The following CSMD1 variants were observed in gnomAD, a reference collection of about 807,000 sequenced individuals.
CSMD1 encodes CUB and sushi domain-containing protein 1.
Under a neutral mutation model 417.5 loss-of-function variants are expected in CSMD1, and 213 were observed. The observed-to-expected ratio is 0.51, with a 90% CI of 0.46 to 0.57. The LOEUF (loss-of-function observed/expected upper bound fraction) is 0.57, where lower values mean the gene tolerates loss of function less well. CSMD1 is among the 20% of genes least tolerant of loss of function. The pLI is 0.00. For synonymous variants in CSMD1, 2,862 were observed against 1,736.8 expected, an observed-to-expected ratio of 1.65 and a Z score of -16.11; for missense variants, 6,923 against 4,529.7, an observed-to-expected ratio of 1.53 and a Z score of -15.17.
At chr8:4,332,963 A>C (rs78601769) in intron 3 of CSMD1, among the ~76,000 whole-genome samples, 7 of 137,614 alleles carry the variant, frequency 5.1e-5, no homozygotes, top group African/African-American at 2.0e-4. Context: ...AAAAACTAAG[A>C]TTTCTGCCTT....
chr8:3,874,717 G>T (rs766613023), intron 5 of CSMD1, among the ~76,000 whole-genome samples: 23 of 152,170 alleles, frequency 1.5e-4, no homozygotes, highest in Non-Finnish European at 2.8e-4. Context: ...TGCGACTGGC[G>T]CCCACTGCTC....
In CSMD1 at chr8:4,701,486, G is replaced by A. The variant is rs116597517; in HGVS notation, c.86-63928C>T. ...ACAGTACTCCTCCTCCCCGACCCCA[G>A]CACAGAACACCCAGGCCGCCTCCCA... On this transcript the variant is annotated intron_variant, in intron 1 of 69. Transcript: ENST00000635120. Among the ~76,000 whole-genome samples, 489 of 152,094 alleles carry A rather than the reference G, an allele frequency of 3.2e-3. 2 individuals carry two copies. Among genetic ancestry groups the A allele is most frequent in the African/African-American group, 0.011 (477 of 41,484 alleles).
chr8:4,041,080 G>C (rs553502399), intron 3 of CSMD1, among the ~76,000 whole-genome samples: 7 of 141,210 alleles, frequency 5.0e-5, no homozygotes, highest in Admixed American at 1.5e-4. Flanking sequence ...GCAGTGGCGC[G>C]ATCTCGGCTC....
chr8:4,793,818 C>A (rs867434790), intron 1 of CSMD1, among the ~76,000 whole-genome samples: 2 of 132,020 alleles, frequency 1.5e-5, no homozygotes, highest in Non-Finnish European at 3.2e-5. Context: ...AGAAAGCAGG[C>A]CACAACCCCA....
At chr8:3,079,670 A>G (rs1192735226) in intron 49 of CSMD1, among the ~76,000 whole-genome samples, 1 of 152,190 alleles carries the variant, frequency 6.6e-6, no homozygotes, top group Non-Finnish European at 1.5e-5. Flanking sequence ...GTATAAAGTA[A>G]AAGGACAGTT....
At chr8:3,379,128 G>T (rs948308884) in intron 18 of CSMD1, among the ~76,000 whole-genome samples, 1 of 152,116 alleles carries the variant, frequency 6.6e-6, no homozygotes, top group Non-Finnish European at 1.5e-5. Flanking sequence ...GCCAAATCAA[G>T]AATGAACTCC....
intron 3 of CSMD1, among the ~76,000 whole-genome samples, chr8:4,069,678 T>A (rs1479378180): frequency 1.3e-5 from 2 of 152,132 alleles, no homozygotes; most frequent in East Asian, 1.9e-4. Context: ...TCCGACTGGA[T>A]TGCATTCTCA....
chr8:4,681,860 G>T lies in CSMD1; in HGVS notation c.86-44302C>A, dbSNP rs567604704. On this transcript the variant is annotated intron_variant, in intron 1 of 69. Transcript: ENST00000635120. ...TTTTCTCCTCCGTAAGGTGAGGAAG[G>T]TAACTCTGCAGAAAAAAATGCTCAG... 2.6e-5 allele frequency among the ~76,000 whole-genome samples: 4 copies of T among 152,254 alleles called. No homozygotes were observed. The East Asian group carries it at 7.7e-4, about 29-fold the overall frequency.
chr8:4,911,378 T>C (rs1449209238), intron 1 of CSMD1, among the ~76,000 whole-genome samples: 1 of 152,220 alleles, frequency 6.6e-6, no homozygotes, highest in Non-Finnish European at 1.5e-5. Flanking sequence ...GAAAAGTCTG[T>C]TGGTCTTTCT....
chr8:3,570,370 G>A (rs1374025057), intron 10 of CSMD1, among the ~76,000 whole-genome samples: 2 of 152,144 alleles, frequency 1.3e-5, no homozygotes, highest in African/African-American at 2.4e-5. Context: ...CCTTGGCTCC[G>A]TGGCAATTGG....
intron 50 of CSMD1, among the ~76,000 whole-genome samples, chr8:3,037,612 C>G (rs560809611): frequency 2.0e-5 from 3 of 152,006 alleles, no homozygotes; most frequent in African/African-American, 7.3e-5. Flanking sequence ...GGTAGATGCC[C>G]CGTAGTAGGG....
intron 12 of CSMD1, among the ~76,000 whole-genome samples, chr8:3,429,473 C>T (rs1432338132): frequency 6.6e-6 from 1 of 152,152 alleles, no homozygotes; most frequent in Non-Finnish European, 1.5e-5. Context: ...CACAGATGTT[C>T]ACTGACCTTC....
At chr8:4,712,820 A>G (rs79356949) in intron 1 of CSMD1, among the ~76,000 whole-genome samples, 17 of 152,314 alleles carry the variant, frequency 1.1e-4, no homozygotes, top group African/African-American at 4.1e-4. Flanking sequence ...TGACTGTACT[A>G]TCTAAAGTTT....
intron 4 of CSMD1, among the ~76,000 whole-genome samples, chr8:4,030,450 G>A (rs1158250715): frequency 6.6e-6 from 1 of 152,216 alleles, no homozygotes; most frequent in Non-Finnish European, 1.5e-5. Flanking sequence ...ATCCTCTGAT[G>A]ACACAGCCTG....
At chr8:4,749,892 G>C (rs1480773791) in intron 1 of CSMD1, among the ~76,000 whole-genome samples, 1 of 151,848 alleles carries the variant, frequency 6.6e-6, no homozygotes, top group Non-Finnish European at 1.5e-5. Context: ...AAAATCCCGG[G>C]TCTTGTTTTG....
chr8:3,471,113 G>A (rs148929289), intron 11 of CSMD1, among the ~76,000 whole-genome samples: 1 of 152,150 alleles, frequency 6.6e-6, no homozygotes, highest in Non-Finnish European at 1.5e-5. Flanking sequence ...CAGACTGTTT[G>A]TACATTCCCA....
intron 3 of CSMD1, among the ~76,000 whole-genome samples, chr8:4,320,117 G>T (rs117661035): frequency 1.3e-5 from 2 of 152,282 alleles, no homozygotes; most frequent in Admixed American, 6.5e-5. Flanking sequence ...CCCTTTGCAA[G>T]TAATTTAACT....
intron 1 of CSMD1, among the ~76,000 whole-genome samples, chr8:4,673,838 G>A (rs1393152178): frequency 1.3e-5 from 2 of 152,176 alleles, no homozygotes; most frequent in African/African-American, 4.8e-5. Context: ...GCAATTGAGT[G>A]CTTGCCAGGG....
At chr8:4,819,653 T>G (rs1371278095) in intron 1 of CSMD1, among the ~76,000 whole-genome samples, 1 of 152,222 alleles carries the variant, frequency 6.6e-6, no homozygotes, top group African/African-American at 2.4e-5. Context: ...AAATATCATC[T>G]GTTGTCACCC....
Sources: gnomAD v4.1 joint callset for allele counts (sites outside exome capture counted in the v4.1 genomes callset) on GRCh38, gnomAD v4.1.1 for gene constraint, MANE v1.5 for transcripts, NCBI Gene and HGNC (gene_info 2026-07-23, HGNC 2026-07-21) for gene names.